Variants in DLG2 observed in about 807,000 individuals in gnomAD.
DLG2 encodes disks large homolog 2.
Under a neutral mutation model 132.5 loss-of-function variants are expected in DLG2, and 45 were observed. The ratio of observed to expected loss-of-function variants is 0.34; its 90% CI spans 0.27 to 0.44. DLG2 has a LOEUF of 0.44. Ranked by LOEUF, DLG2 falls within the 20% of genes least tolerant of loss-of-function variation. DLG2 has a pLI of 1.00. For missense variants in DLG2, 1,045 were observed against 1,196.9 expected, an observed-to-expected ratio of 0.87 and a Z score of 1.87; for synonymous variants, 424 against 419.6, an observed-to-expected ratio of 1.01 and a Z score of -0.13.
chr11:83,651,042 T>C (rs1444589243), intron 18 of DLG2, among the ~76,000 whole-genome samples: 3 of 152,200 alleles, frequency 2.0e-5, no homozygotes. Context: ...ATATTCATTT[T>C]TGCATTTATG....
intron 7 of DLG2, among the ~76,000 whole-genome samples, chr11:84,253,910 C>T (rs577924723): frequency 6.6e-6 from 1 of 152,166 alleles, no homozygotes; most frequent in African/African-American, 2.4e-5. Flanking sequence ...TATGTCAGCC[C>T]TATACTAGAG....
chr11:85,370,160 G>GCCTTCTTATTTAA (rs2084866492), intron 3 of DLG2, among the ~76,000 whole-genome samples: 1 of 152,108 alleles, frequency 6.6e-6, no homozygotes, highest in Non-Finnish European at 1.5e-5. Flanking sequence ...GGCAAAATTT[G>GCCTTCTTATTTAA]GCTGCAGTTA....
chr11:85,063,995 G>A (rs1430294625), intron 6 of DLG2, among the ~76,000 whole-genome samples: 4 of 151,628 alleles, frequency 2.6e-5, no homozygotes, highest in Non-Finnish European at 4.4e-5. Flanking sequence ...TGAGAAAAAA[G>A]GGAAAATAAA....
chr11:84,887,901 A>G (rs10501579), intron 6 of DLG2, among the ~76,000 whole-genome samples: 16,507 of 152,170 alleles, frequency 0.11, 1,294 homozygotes, highest in African/African-American at 0.22. Context: ...TGCTGTAACT[A>G]GTATCCACAA....
At chr11:83,649,945 G>T (rs1305630989) in intron 18 of DLG2, among the ~76,000 whole-genome samples, 3 of 152,234 alleles carry the variant, frequency 2.0e-5, no homozygotes, top group Non-Finnish European at 4.4e-5. Context: ...AATAGAAAGA[G>T]AAAGTTTTTT....
intron 6 of DLG2, among the ~76,000 whole-genome samples, chr11:84,787,675 C>T (rs142697713): frequency 2.0e-5 from 3 of 152,186 alleles, no homozygotes; most frequent in East Asian, 3.9e-4. Flanking sequence ...TTTTCTGTGT[C>T]CAATTTCTAT....
chr11:84,744,986 A>AGATTTCTC (rs1325701926), intron 6 of DLG2, among the ~76,000 whole-genome samples: 3 of 151,852 alleles, frequency 2.0e-5, no homozygotes, highest in African/African-American at 7.2e-5. Flanking sequence ...GATATCCAAA[A>AGATTTCTC]GATTTCTCGC....
chr11:84,830,570 A>G (rs1366634668), intron 6 of DLG2, among the ~76,000 whole-genome samples: 1 of 151,580 alleles, frequency 6.6e-6, no homozygotes, highest in African/African-American at 2.4e-5. Flanking sequence ...ACAAGTCCCA[A>G]GTGACTCCAA....
intron 11 of DLG2, among the ~76,000 whole-genome samples, chr11:84,007,474 A>T (rs2094626648): frequency 6.6e-6 from 1 of 151,752 alleles, no homozygotes; most frequent in African/African-American, 2.4e-5. Flanking sequence ...CCTATCTTGC[A>T]TATCCAATTG....
chr11:83,975,633 A>G (rs2092088680), intron 12 of DLG2, among the ~76,000 whole-genome samples: 1 of 152,010 alleles, frequency 6.6e-6, no homozygotes, highest in African/African-American at 2.4e-5. Context: ...AAGGAATATA[A>G]AGAAGTTTTG....
intron 10 of DLG2, among the ~76,000 whole-genome samples, chr11:84,095,551 A>G (rs2097154253): frequency 6.6e-6 from 1 of 152,186 alleles, no homozygotes; most frequent in African/African-American, 2.4e-5. Flanking sequence ...CACACTGAGA[A>G]AAGACTTAGT....
At chr11:84,358,344 T>C (rs1022001216) in intron 7 of DLG2, among the ~76,000 whole-genome samples, 1 of 149,268 alleles carries the variant, frequency 6.7e-6, no homozygotes, top group South Asian at 2.1e-4. Context: ...TCTGTCTTCA[T>C]CAAACAGCAA....
chr11:84,800,692 T>C (rs1169987966), intron 6 of DLG2: 1 of 152,194 alleles, frequency 6.6e-6, no homozygotes, highest in Non-Finnish European at 1.5e-5. Flanking sequence ...TAAAAAGACT[T>C]TGGACACCTG....
At chr11:85,412,376 A>G (rs1257709051) in intron 3 of DLG2, among the ~76,000 whole-genome samples, 1 of 151,702 alleles carries the variant, frequency 6.6e-6, no homozygotes. Flanking sequence ...TCCTGATGAC[A>G]TTCTTTTTTT....
At chr11:85,414,886 G>C (rs1383891133) in intron 3 of DLG2, among the ~76,000 whole-genome samples, 1 of 151,926 alleles carries the variant, frequency 6.6e-6, no homozygotes, top group Non-Finnish European at 1.5e-5. Flanking sequence ...TATACTTTAA[G>C]TTCTGGGAGA....
chr11:84,352,187 G>A (rs1490944078), intron 7 of DLG2, among the ~76,000 whole-genome samples: 1 of 152,190 alleles, frequency 6.6e-6, no homozygotes, highest in Non-Finnish European at 1.5e-5. Context: ...AAGTAGATGT[G>A]TTTTTCTCCT....
intron 18 of DLG2, among the ~76,000 whole-genome samples, chr11:83,674,761 T>C (rs954221072): frequency 6.6e-6 from 1 of 152,234 alleles, no homozygotes; most frequent in African/African-American, 2.4e-5. Context: ...CACTTACTCA[T>C]GCCTGGATGC....
At position 83,959,049 on chromosome 11, in the gene DLG2, T is replaced by C. The variant is rs77067629; in HGVS notation, c.1340+3836A>G. Among the ~76,000 whole-genome samples the C allele has an allele frequency of 4.5e-3, 683 of 152,230 alleles. 5 individuals carry two copies. Among genetic ancestry groups the C allele is most frequent in the African/African-American group, 0.015 (610 of 41,558 alleles). On this transcript the variant is annotated intron_variant, in intron 14 of 27. Coordinates refer to ENST00000376104, the MANE Select transcript of DLG2 (RefSeq NM_001142699.3). ...TTGTAATAGCTTTATTTTCCAAAAATTGAAAATCAGATATCTACATCACAA... is the reference window on the plus strand; with the variant it reads ...TTGTAATAGCTTTATTTTCCAAAAACTGAAAATCAGATATCTACATCACAA...
At chr11:84,280,867 A>ATTTTTTTTTTTTTTTT in intron 7 of DLG2, among the ~76,000 whole-genome samples, 1 of 67,708 alleles carries the variant, frequency 1.5e-5, no homozygotes, top group Non-Finnish European at 2.6e-5. Flanking sequence ...TGCCCAGCCA[A>ATTTTTTTTTTTTTTTT]TTTTTTTTTT....
Sources: gnomAD v4.1 joint callset for allele counts (sites outside exome capture counted in the v4.1 genomes callset) on GRCh38, gnomAD v4.1.1 for gene constraint, MANE v1.5 for transcripts, NCBI Gene and HGNC (gene_info 2026-07-23, HGNC 2026-07-21) for gene names.